SYT1: variants seen among roughly 807,000 people sequenced by gnomAD.
SYT1 encodes the protein synaptotagmin-1.
SYT1 carries 8 observed loss-of-function variants against 44.8 expected under a neutral mutation model. The observed-to-expected ratio is 0.18, with a 90% CI of 0.10 to 0.32. The LOEUF (loss-of-function observed/expected upper bound fraction) is 0.32, where lower values mean the gene tolerates loss of function less well. Ranked by LOEUF, SYT1 falls within the 10% of genes least tolerant of loss-of-function variation. The pLI, the probability that SYT1 is intolerant of heterozygous loss-of-function variation, is 1.00. For missense variants in SYT1, 286 were observed against 509.3 expected (o/e 0.56, Z 4.22); for synonymous variants, 154 against 188.8 (o/e 0.82, Z 1.51).
chr12:79,356,558 C>T (rs1312462018), intron 9 of SYT1, among the ~76,000 whole-genome samples: 1 of 152,116 alleles, frequency 6.6e-6, no homozygotes, highest in Non-Finnish European at 1.5e-5. Context: ...GTAAGTTGAC[C>T]TATGTACGAG....
chr12:79,012,921 C>T (rs916843157), intron 2 of SYT1, among the ~76,000 whole-genome samples: 4 of 151,992 alleles, frequency 2.6e-5, no homozygotes, highest in Non-Finnish European at 5.9e-5. Context: ...ATGCATCCAC[C>T]CTCTTTCTTT....
At chr12:79,326,562 T>C (rs1881615592) in intron 8 of SYT1, among the ~76,000 whole-genome samples, 1 of 152,216 alleles carries the variant, frequency 6.6e-6, no homozygotes, top group Admixed American at 6.5e-5. Flanking sequence ...ATTTTTGTCT[T>C]TAGAGAAAAA....
At chr12:78,906,075 T>A (rs1324960804) in intron 1 of SYT1, among the ~76,000 whole-genome samples, 2 of 151,906 alleles carry the variant, frequency 1.3e-5, no homozygotes, top group Non-Finnish European at 2.9e-5. Flanking sequence ...AGCCAGTAAA[T>A]AAAGATATGG....
At chr12:79,181,186 C>G (rs560390575) in intron 3 of SYT1, among the ~76,000 whole-genome samples, 1 of 151,976 alleles carries the variant, frequency 6.6e-6, no homozygotes, top group African/African-American at 2.4e-5. Flanking sequence ...AATCCATCGT[C>G]CATTGTAATC....
At chr12:79,292,547 A>G (rs1879639989) in intron 6 of SYT1, among the ~76,000 whole-genome samples, 1 of 152,200 alleles carries the variant, frequency 6.6e-6, no homozygotes, top group Non-Finnish European at 1.5e-5. Context: ...CAAATTTTTG[A>G]AAAATAATAT....
intron 9 of SYT1, among the ~76,000 whole-genome samples, chr12:79,437,708 C>T (rs1870171061): frequency 6.6e-6 from 1 of 152,122 alleles, no homozygotes; most frequent in Non-Finnish European, 1.5e-5. Context: ...GAAACTGTGC[C>T]TCTAACACCA....
intron 2 of SYT1, among the ~76,000 whole-genome samples, chr12:78,993,283 T>C (rs900180326): frequency 6.6e-6 from 1 of 152,226 alleles, no homozygotes; most frequent in African/African-American, 2.4e-5. Flanking sequence ...GCATAATCAT[T>C]TGGGCAAAGT....
chr12:78,916,572 C>G (rs867400157), intron 1 of SYT1, among the ~76,000 whole-genome samples: 27 of 152,014 alleles, frequency 1.8e-4, no homozygotes, highest in Non-Finnish European at 2.9e-4. Context: ...TTCGCTTGAA[C>G]CATCTGACAT....
At chr12:79,191,905 G>A (rs1227883007) in intron 3 of SYT1, among the ~76,000 whole-genome samples, 2 of 151,994 alleles carry the variant, frequency 1.3e-5, no homozygotes, top group African/African-American at 4.8e-5. Flanking sequence ...CCATAACCGT[G>A]CAGAAGAAAA....
intron 3 of SYT1, among the ~76,000 whole-genome samples, chr12:79,142,755 A>G (rs1869640690): frequency 6.6e-6 from 1 of 152,250 alleles, no homozygotes; most frequent in Non-Finnish European, 1.5e-5. Flanking sequence ...GCTTTTAATC[A>G]CTGGAGAACC....
At chr12:79,011,223 T>C (rs1391093854) in intron 2 of SYT1, among the ~76,000 whole-genome samples, 1 of 152,222 alleles carries the variant, frequency 6.6e-6, no homozygotes, top group Non-Finnish European at 1.5e-5. Context: ...TATTTTTTCA[T>C]GCAATAAGTA....
At chr12:78,944,914 C>A (rs1004045517) in intron 1 of SYT1, among the ~76,000 whole-genome samples, 1 of 152,102 alleles carries the variant, frequency 6.6e-6, no homozygotes, top group African/African-American at 2.4e-5. Context: ...AAATGTTTTT[C>A]CCTCAGATGT....
intron 1 of SYT1, among the ~76,000 whole-genome samples, chr12:78,871,219 C>T (rs774180656): frequency 2.6e-5 from 4 of 151,974 alleles, no homozygotes; most frequent in Non-Finnish European, 4.4e-5. Context: ...TCTACAAAAT[C>T]TCTGGATATT....
intron 3 of SYT1, among the ~76,000 whole-genome samples, chr12:79,192,276 T>A (rs556867566): frequency 5.3e-5 from 8 of 152,268 alleles, no homozygotes; most frequent in Non-Finnish European, 8.8e-5. Context: ...AATAAAAGGA[T>A]GCAGAGTAGG....
chr12:79,204,780 T>A, intron 3 of SYT1, among the ~76,000 whole-genome samples: 1 of 10,266 alleles, frequency 9.7e-5, no homozygotes, highest in Non-Finnish European at 2.0e-4. Flanking sequence ...TGTTGTAACT[T>A]TTTTTTTTTT....
At chr12:79,306,025 T>C (rs1277981130) in intron 8 of SYT1, among the ~76,000 whole-genome samples, 1 of 152,144 alleles carries the variant, frequency 6.6e-6, no homozygotes. Context: ...GAGTCTCTCT[T>C]GGTCTTTTCA....
At chr12:79,123,214 A>G (rs1293055281) in intron 3 of SYT1, among the ~76,000 whole-genome samples, 1 of 152,082 alleles carries the variant, frequency 6.6e-6, no homozygotes, top group Non-Finnish European at 1.5e-5. Flanking sequence ...CATCTATCTA[A>G]AAATGTGCTT....
intron 8 of SYT1, among the ~76,000 whole-genome samples, chr12:79,308,429 C>G (rs1229858024): frequency 6.7e-6 from 1 of 148,706 alleles, no homozygotes; most frequent in Non-Finnish European, 1.5e-5. Context: ...GAGGCTGAAG[C>G]CAGGAGGCGG....
rs1412800193 is a variant in SYT1 at position 79,229,614 on chromosome 12, G to C, written c.166+11929G>C. On this transcript the variant is annotated intron_variant, in intron 4 of 10. Coordinates refer to ENST00000261205, the MANE Select transcript of SYT1 (RefSeq NM_005639.3). Reference sequence around the variant, plus strand: ...ATTTTTTATTTTTTTATTTTTTTTAGACAGAGTTTTGCTTTGTCGCCCAGG... The same window carrying C: ...ATTTTTTATTTTTTTATTTTTTTTACACAGAGTTTTGCTTTGTCGCCCAGG... Among the ~76,000 whole-genome samples, 3 of 139,346 alleles carry C rather than the reference G, an allele frequency of 2.2e-5. No individual in the cohort carries two copies. The East Asian group carries it at 6.1e-4, about 28-fold the overall frequency. 91.4% of individuals were successfully genotyped at this position (139,346 alleles called of 152,430 possible).
Sources: allele counts gnomAD v4.1 joint callset (sites outside exome capture counted in the v4.1 genomes callset), GRCh38; gene constraint gnomAD v4.1.1; transcripts MANE v1.5; gene names NCBI Gene and HGNC (gene_info 2026-07-23, HGNC 2026-07-21).